Variants in CDADC1 observed in about 807,000 individuals in gnomAD.
The protein encoded by CDADC1 is cytidine and dCMP deaminase domain containing 1.
In CDADC1, 39 loss-of-function variants were observed where a neutral mutation model predicts 54.9. The observed-to-expected ratio is 0.71, with a 90% CI of 0.55 to 0.93. CDADC1 has a LOEUF of 0.93. Among genes scored for constraint, CDADC1 ranks in the 40% least tolerant of loss-of-function variants. The probability of loss-of-function intolerance (pLI) is 0.00; values close to 1 mark genes in which losing one functional copy is unlikely to be tolerated. For missense variants in CDADC1, 518 were observed against 618.8 expected (o/e 0.84, Z 1.73); for synonymous variants, 186 against 204.0 (o/e 0.91, Z 0.75).
chr13:49,252,516 A>G (rs1253176007), intron 2 of CDADC1, among the ~76,000 whole-genome samples: 2 of 152,250 alleles, frequency 1.3e-5, no homozygotes, highest in African/African-American at 4.8e-5. Flanking sequence ...AAGCAGAAGT[A>G]TATAATTTCA....
chr13:49,290,411 T>TTA (rs1953670875), intron 9 of CDADC1, among the ~76,000 whole-genome samples: 1 of 151,972 alleles, frequency 6.6e-6, no homozygotes, highest in Non-Finnish European at 1.5e-5. Flanking sequence ...ACATAATACA[T>TTA]TATATATAGA....
intron 4 of CDADC1, among the ~76,000 whole-genome samples, chr13:49,264,873 G>C (rs1392201938): frequency 2.0e-5 from 3 of 152,114 alleles, no homozygotes; most frequent in African/African-American, 7.2e-5. Flanking sequence ...TGAATTATGA[G>C]GTAGCTACCA....
intron 2 of CDADC1, among the ~76,000 whole-genome samples, chr13:49,250,191 T>G (rs1566349220): frequency 3.9e-5 from 6 of 152,218 alleles, no homozygotes. Flanking sequence ...TTGCCCATAA[T>G]TCTGCTGAAA....
intron 8 of CDADC1, among the ~76,000 whole-genome samples, chr13:49,283,180 ATATAACATATAAT>A (rs1953400874): frequency 1.1e-5 from 1 of 90,842 alleles, no homozygotes; most frequent in Non-Finnish European, 2.9e-5. Context: ...TAACTTGGAC[ATATAACATATAAT>A]TATATATGTA....
At chr13:49,275,720 TATATATAGAGAGAGAGAGAG>T (rs1566370016) in intron 6 of CDADC1, among the ~76,000 whole-genome samples, 8 of 26,146 alleles carry the variant, frequency 3.1e-4, no homozygotes, top group African/African-American at 6.2e-4. Flanking sequence ...TATATATATA[TATATATAGAGAGAGAGAGAG>T]AGAGAGAGAG....
At chr13:49,253,908 C>A (rs1952487465) in intron 2 of CDADC1, among the ~76,000 whole-genome samples, 1 of 152,128 alleles carries the variant, frequency 6.6e-6, no homozygotes, top group Non-Finnish European at 1.5e-5. Flanking sequence ...TGTACTTTTC[C>A]AGAACAGAAG....
chr13:49,262,868 G>A (rs1314093803), intron 4 of CDADC1, among the ~76,000 whole-genome samples: 1 of 152,080 alleles, frequency 6.6e-6, no homozygotes, highest in Non-Finnish European at 1.5e-5. Flanking sequence ...AACTGCCCTG[G>A]TAGTCGTCAT....
At chr13:49,265,446 C>T (rs1215614994) in intron 4 of CDADC1, among the ~76,000 whole-genome samples, 6 of 152,076 alleles carry the variant, frequency 3.9e-5, no homozygotes, top group Admixed American at 6.5e-5. Flanking sequence ...AATGTCTATA[C>T]GAATTCTGCT....
chr13:49,283,031 G>C (rs190853536), intron 8 of CDADC1, among the ~76,000 whole-genome samples: 298 of 152,280 alleles, frequency 2.0e-3, no homozygotes, highest in Admixed American at 3.6e-3. Flanking sequence ...CATTGAATGA[G>C]TTAATGTAAC....
At chr13:49,273,515 T>G (rs1367855027) in intron 5 of CDADC1, among the ~76,000 whole-genome samples, 2 of 152,358 alleles carry the variant, frequency 1.3e-5, no homozygotes, top group East Asian at 3.9e-4. Flanking sequence ...TTTTTAATTT[T>G]CTGTTTCAGA....
chr13:49,286,264 G>A lies in CDADC1; in HGVS notation c.1453G>A (p.Glu485Lys). ...AGGAGCTTATGGTCTTGAACAAAAT[G>A]AGCCTGAAAGGAGAGAAAGTAAGTA... is the stretch of plus-strand genomic sequence containing the variant. ...PSGAYGLEQN[E>K]PERRENGVLR... is the part of the protein sequence containing the mutation. The change falls in exon 9 of 10, where the codon GAG becomes AAG. Residue 485 changes from glutamate (E) to lysine (K), a missense_variant. By Grantham distance (56) the Glu-to-Lys change is moderately conservative. Transcript: ENST00000251108. The A allele has an allele frequency of 3.1e-6, 5 of 1,613,120 alleles. No individual in the cohort carries two copies. The highest frequency in any genetic ancestry group is 4.2e-6 in the Non-Finnish European group (5 of 1,179,078).
At chr13:49,279,982 A>AC in intron 7 of CDADC1, among the ~76,000 whole-genome samples, 1 of 152,348 alleles carries the variant, frequency 6.6e-6, no homozygotes, top group African/African-American at 2.4e-5. Flanking sequence ...GGGAAGGGGT[A>AC]AGGGAACTAT....
At chr13:49,280,758 G>A in intron 8 of CDADC1, 60 bp downstream of exon 8, 1 of 878,988 alleles carries the variant, frequency 1.1e-6, no homozygotes, top group Non-Finnish European at 1.6e-6. Context: ...GTACCCTGCT[G>A]CAATATTGTA....
Position 49,255,914 on chromosome 13 carries a change from G to A in CDADC1, c.252+1G>A, listed in dbSNP as rs781642378. 1.2e-6 allele frequency: 2 copies of A among 1,610,834 alleles called. No individual in the cohort carries two copies. Among genetic ancestry groups the A allele is most frequent in the Non-Finnish European group, 1.7e-6 (2 of 1,178,976 alleles). On this transcript the variant is annotated splice_donor_variant, in intron 3 of 9. Coordinates refer to ENST00000251108, the MANE Select transcript of CDADC1 (RefSeq NM_030911.4). LOFTEE classifies it high-confidence loss of function. ...CAGAGTATCTACTGACAAAAGACAG[G>A]TAAATTTTTATGATTTCACATATAT...
At chr13:49,256,908 C>T (rs1042754723) in intron 3 of CDADC1, among the ~76,000 whole-genome samples, 11 of 152,174 alleles carry the variant, frequency 7.2e-5, no homozygotes, top group Non-Finnish European at 1.3e-4. Flanking sequence ...AGTCAATGTA[C>T]TAGTCCATAT....
chr13:49,268,088 T>C, intron 5 of CDADC1, 29 bp downstream of exon 5: 1 of 1,530,030 alleles, frequency 6.5e-7, no homozygotes, highest in Non-Finnish European at 8.9e-7. Flanking sequence ...AAATTGGGGC[T>C]GATTGGTTGG....
chr13:49,263,548 A>C (rs1015684716), intron 4 of CDADC1, among the ~76,000 whole-genome samples: 1 of 152,224 alleles, frequency 6.6e-6, no homozygotes, highest in African/African-American at 2.4e-5. Flanking sequence ...AACCTTTAAG[A>C]AACTATCCCT....
chr13:49,258,778 T>C (rs1267072026), intron 3 of CDADC1, among the ~76,000 whole-genome samples: 1 of 152,228 alleles, frequency 6.6e-6, no homozygotes, highest in Non-Finnish European at 1.5e-5. Flanking sequence ...TAGACTGCCA[T>C]AGTGCTAAAA....
Position 49,292,481 on chromosome 13 carries a change from A to C in CDADC1, c.*724A>C. On this transcript the variant is annotated 3_prime_UTR_variant, in exon 10 of 10. Transcript: ENST00000251108. Reference sequence around the variant, plus strand: ...TGGTTATGATGTTAACAGAGAAGAAATATTTGAGTCTGGAATATTGAAACT... The same window carrying C: ...TGGTTATGATGTTAACAGAGAAGAACTATTTGAGTCTGGAATATTGAAACT... The C allele has an allele frequency of 2.9e-6, 3 of 1,033,884 alleles. No homozygotes were observed. The highest frequency in any genetic ancestry group is 3.5e-5 in the South Asian group (1 of 28,864). The allele number at this position is 1,033,884 out of a possible 1,614,324, so 64.0% of individuals were successfully genotyped here.
Sources: allele counts gnomAD v4.1 joint callset (sites outside exome capture counted in the v4.1 genomes callset), GRCh38; gene constraint gnomAD v4.1.1; transcripts MANE v1.5; gene names NCBI Gene and HGNC (gene_info 2026-07-23, HGNC 2026-07-21).